The following CRCP variants were observed in gnomAD, a reference collection of about 807,000 sequenced individuals.
CRCP encodes DNA-directed RNA polymerase III subunit RPC9.
A neutral mutation model predicts 18.5 loss-of-function variants in CRCP; 18 were observed. The ratio of observed to expected loss-of-function variants is 0.97; its 90% CI spans 0.67 to 1.44. The LOEUF (loss-of-function observed/expected upper bound fraction) is 1.44. Ranked by LOEUF, CRCP falls within the 40% of genes most tolerant of loss-of-function variation. The pLI is 0.00. For missense variants in CRCP, 130 were observed against 176.4 expected (o/e 0.74, Z 1.49); for synonymous variants, 53 against 62.9 (o/e 0.84, Z 0.75).
At chr7:66,115,692 G>T (rs548426806) in intron 1 of CRCP, among the ~76,000 whole-genome samples, 1 of 152,032 alleles carries the variant, frequency 6.6e-6, no homozygotes, top group Non-Finnish European at 1.5e-5. Context: ...TTAATTTGTA[G>T]GTATTACTAT....
intron 1 of CRCP, among the ~76,000 whole-genome samples, chr7:66,118,224 C>T (rs954958743): frequency 6.6e-6 from 1 of 152,262 alleles, no homozygotes; most frequent in African/African-American, 2.4e-5. Context: ...GATTTGCCTG[C>T]CTCAGCCTCC....
At chr7:66,139,216 G>A (rs996950150) in intron 4 of CRCP, among the ~76,000 whole-genome samples, 1 of 152,162 alleles carries the variant, frequency 6.6e-6, no homozygotes, top group Non-Finnish European at 1.5e-5. Flanking sequence ...AGTCTAATGG[G>A]ATAATTTCTG....
chr7:66,127,211 G>C (rs749026962), intron 1 of CRCP, among the ~76,000 whole-genome samples: 4 of 152,220 alleles, frequency 2.6e-5, no homozygotes, highest in Non-Finnish European at 5.9e-5. Context: ...TCTTCACTCA[G>C]GAAAGATGGC....
intron 4 of CRCP, 56 bp downstream of exon 4, chr7:66,134,430 A>G (rs1787909395): frequency 1.6e-6 from 2 of 1,216,240 alleles, no homozygotes; most frequent in African/African-American, 1.5e-5. Flanking sequence ...GATAGTTGCT[A>G]CATTCGTAGC....
At chr7:66,144,477 G>A (rs1447481740) in intron 4 of CRCP, among the ~76,000 whole-genome samples, 1 of 152,100 alleles carries the variant, frequency 6.6e-6, no homozygotes, top group Non-Finnish European at 1.5e-5. Context: ...GACCACACAA[G>A]ATGATTTTGT....
At chr7:66,147,452 G>A (rs571518185) in intron 5 of CRCP, among the ~76,000 whole-genome samples, 1 of 152,304 alleles carries the variant, frequency 6.6e-6, no homozygotes, top group African/African-American at 2.4e-5. Context: ...TCTTGGAAGG[G>A]GGCAAGTGTC....
chr7:66,150,251 A>G (rs1402084171), intron 5 of CRCP, among the ~76,000 whole-genome samples: 1 of 151,456 alleles, frequency 6.6e-6, no homozygotes, highest in African/African-American at 2.4e-5. Flanking sequence ...CTCTGTCTTT[A>G]CTAAAAATAC....
At chr7:66,122,419 G>A (rs1476423124) in intron 1 of CRCP, among the ~76,000 whole-genome samples, 1 of 148,578 alleles carries the variant, frequency 6.7e-6, no homozygotes, top group African/African-American at 2.5e-5. Flanking sequence ...TGTGCCATTT[G>A]TGTATGTGTT....
At chr7:66,150,725 C>T (rs1343339457) in intron 5 of CRCP, 1 of 152,090 alleles carries the variant, frequency 6.6e-6, no homozygotes, top group Non-Finnish European at 1.5e-5. Context: ...CTTTCTGGAA[C>T]TCCCTGTGGT....
At chr7:66,145,555 G>A in intron 5 of CRCP, 55 bp downstream of exon 5, 1 of 1,587,636 alleles carries the variant, frequency 6.3e-7, no homozygotes, top group Non-Finnish European at 8.6e-7. Flanking sequence ...GATGTAGAAT[G>A]GCTGTGGTGG....
At chr7:66,132,876 A>T (rs1217347484) in intron 3 of CRCP, among the ~76,000 whole-genome samples, 1 of 151,910 alleles carries the variant, frequency 6.6e-6, no homozygotes, top group Non-Finnish European at 1.5e-5. Context: ...GCGCCACTGC[A>T]CTCCAGCCTG....
chr7:66,151,099 C>T (rs895413058), intron 5 of CRCP, among the ~76,000 whole-genome samples: 1 of 152,120 alleles, frequency 6.6e-6, no homozygotes, highest in Admixed American at 6.5e-5. Context: ...TACCCCTTAG[C>T]AGCATTGTTG....
intron 1 of CRCP, among the ~76,000 whole-genome samples, chr7:66,117,597 C>T (rs1311861343): frequency 6.6e-6 from 1 of 152,182 alleles, no homozygotes; most frequent in Non-Finnish European, 1.5e-5. Flanking sequence ...TGTAGTCCAT[C>T]ACCTCTGGGC....
chr7:66,141,313 T>C (rs937181489), intron 4 of CRCP, among the ~76,000 whole-genome samples: 1 of 152,212 alleles, frequency 6.6e-6, no homozygotes, highest in African/African-American at 2.4e-5. Flanking sequence ...TACTAGATCT[T>C]ATTCATTCTT....
intron 1 of CRCP, among the ~76,000 whole-genome samples, chr7:66,125,202 C>G (rs1167481632): frequency 6.7e-6 from 1 of 149,184 alleles, no homozygotes; most frequent in Non-Finnish European, 1.5e-5. Flanking sequence ...ATCATTGGTG[C>G]TGTGAAATTG....
intron 1 of CRCP, among the ~76,000 whole-genome samples, chr7:66,117,704 T>C (rs1562756730): frequency 6.6e-6 from 1 of 152,226 alleles, no homozygotes; most frequent in Non-Finnish European, 1.5e-5. Flanking sequence ...GATTGGAACA[T>C]GTCGCTCCTG....
chr7:66,152,522 C>T lies in CRCP; in HGVS notation c.*165C>T. 1 of 735,520 alleles carries T rather than the reference C, an allele frequency of 1.4e-6. No individual in the cohort carries two copies. The highest frequency in any genetic ancestry group is 1.9e-5 in the South Asian group (1 of 53,032). 45.6% of individuals were successfully genotyped at this position (735,520 alleles called of 1,614,324 possible). On this transcript the variant is annotated 3_prime_UTR_variant, in exon 6 of 6. Transcript: ENST00000395326. ...ATAAGTTAAAAAGAAATATTTGTGCCTTGGGGAGAAGAAACATGGTGAAAA... is the reference window on the plus strand; with the variant it reads ...ATAAGTTAAAAAGAAATATTTGTGCTTTGGGGAGAAGAAACATGGTGAAAA...
At chr7:66,139,992 G>A (rs1788086101) in intron 4 of CRCP, among the ~76,000 whole-genome samples, 1 of 152,216 alleles carries the variant, frequency 6.6e-6, no homozygotes, top group Non-Finnish European at 1.5e-5. Flanking sequence ...TACTAGAGCT[G>A]TCCTTGGAGC....
chr7:66,143,466 C>T (rs1328632883), intron 4 of CRCP, among the ~76,000 whole-genome samples: 8 of 152,170 alleles, frequency 5.3e-5, no homozygotes, highest in Admixed American at 3.9e-4. Flanking sequence ...CCTCTGGGCA[C>T]GTCCTTGTGT....
Sources: gnomAD v4.1 joint callset for allele counts (sites outside exome capture counted in the v4.1 genomes callset) on GRCh38, gnomAD v4.1.1 for gene constraint, MANE v1.5 for transcripts, NCBI Gene and HGNC (gene_info 2026-07-23, HGNC 2026-07-21) for gene names.